Variants in ZPBP observed in about 807,000 individuals in gnomAD.
ZPBP encodes zona pellucida-binding protein 1.
In ZPBP, 26 loss-of-function variants were observed where a neutral mutation model predicts 44.8. The observed-to-expected ratio is 0.58, with a 90% CI of 0.43 to 0.81. ZPBP has a LOEUF of 0.81. Among genes scored for constraint, ZPBP ranks in the 30% least tolerant of loss-of-function variants. The pLI, the probability that ZPBP is intolerant of heterozygous loss-of-function variation, is 0.00. For missense variants in ZPBP, 409 were observed against 434.0 expected (o/e 0.94, Z 0.51); for synonymous variants, 174 against 153.2 (o/e 1.14, Z -1.00).
intron 6 of ZPBP, among the ~76,000 whole-genome samples, chr7:49,985,020 CG>C (rs1332233117): frequency 3.9e-5 from 6 of 152,160 alleles, no homozygotes; most frequent in Admixed American, 1.3e-4. Flanking sequence ...CAAAGATGCA[CG>C]TTACATTAAT....
chr7:49,926,553 T>A (rs1794239495), intron 1 of ZPBP, among the ~76,000 whole-genome samples: 2 of 152,176 alleles, frequency 1.3e-5, no homozygotes, highest in South Asian at 4.1e-4. Flanking sequence ...AACACCTGCA[T>A]GCACAAGCCA....
chr7:50,044,795 T>C (rs553069888), intron 4 of ZPBP, among the ~76,000 whole-genome samples: 1 of 152,208 alleles, frequency 6.6e-6, no homozygotes, highest in Non-Finnish European at 1.5e-5. Context: ...AAATAGGGAC[T>C]CCTCCCTAAC....
intron 4 of ZPBP, among the ~76,000 whole-genome samples, chr7:50,051,572 G>C (rs1800699063): frequency 6.6e-6 from 1 of 152,094 alleles, no homozygotes. Context: ...ACGCCCATCA[G>C]TGATAGACTG....
intron 5 of ZPBP, among the ~76,000 whole-genome samples, chr7:50,020,505 C>T (rs1242062843): frequency 3.9e-5 from 6 of 152,032 alleles, no homozygotes; most frequent in Non-Finnish European, 8.8e-5. Flanking sequence ...TATCCATCCC[C>T]ACCATATCAG....
At chr7:49,866,224 T>C (rs1790885176) in intron 2 of ZPBP, among the ~76,000 whole-genome samples, 1 of 152,210 alleles carries the variant, frequency 6.6e-6, no homozygotes, top group South Asian at 2.1e-4. Context: ...AATAGACCCT[T>C]CGCCAGATGT....
At chr7:49,866,465 C>T (rs770201629) in intron 2 of ZPBP, among the ~76,000 whole-genome samples, 3 of 152,228 alleles carry the variant, frequency 2.0e-5, no homozygotes, top group Non-Finnish European at 2.9e-5. Flanking sequence ...ACCCTGCAGG[C>T]AAGCCCTTTG....
In ZPBP at chr7:50,058,131, G is replaced by C; in HGVS notation, c.345C>G (p.Arg115=). The change falls in exon 4 of 8, where the codon CGC becomes CGG. Residue 115 remains arginine (R), a synonymous_variant. Transcript: ENST00000046087. The stretch of plus-strand genomic sequence containing the variant: ...TTCCTGTGGATGTTATTTGTGCAGT[G>C]CGGTTTTCTACTAAAGGAATAAGAT... ...PKGKVVSVEN[R]TAQITSTGSL... The C allele has an allele frequency of 6.2e-7, 1 of 1,613,672 alleles. No homozygotes were observed. Among genetic ancestry groups the C allele is most frequent in the Non-Finnish European group, 8.5e-7 (1 of 1,179,778 alleles).
chr7:50,016,721 G>A (rs1044915319), intron 6 of ZPBP, among the ~76,000 whole-genome samples: 1 of 152,032 alleles, frequency 6.6e-6, no homozygotes, highest in African/African-American at 2.4e-5. Context: ...CTCAGGGTCT[G>A]TGACTGTTTA....
At chr7:50,019,269 C>A (rs911704736) in intron 5 of ZPBP, among the ~76,000 whole-genome samples, 4 of 152,054 alleles carry the variant, frequency 2.6e-5, no homozygotes, top group African/African-American at 9.7e-5. Context: ...GGATGCTATC[C>A]ATTCGCTATT....
intron 1 of ZPBP, chr7:50,092,863 C>A: frequency 1.4e-6 from 1 of 725,950 alleles, no homozygotes; most frequent in Non-Finnish European, 2.1e-6. Context: ...CCATCTATAC[C>A]TTAATTTCCT....
chr7:50,001,829 G>A (rs1159061949), intron 6 of ZPBP, among the ~76,000 whole-genome samples: 1 of 152,166 alleles, frequency 6.6e-6, no homozygotes, highest in African/African-American at 2.4e-5. Flanking sequence ...GTAGTAAAAT[G>A]TAAAAGAGAA....
chr7:49,928,301 C>T (rs1760659040), intron 1 of ZPBP, among the ~76,000 whole-genome samples: 1 of 152,202 alleles, frequency 6.6e-6, no homozygotes, highest in African/African-American at 2.4e-5. Flanking sequence ...TAGTTACATA[C>T]ACTTTTCTCA....
intron 2 of ZPBP, among the ~76,000 whole-genome samples, chr7:50,089,291 C>A (rs2128857422): frequency 6.6e-6 from 1 of 152,124 alleles, no homozygotes; most frequent in South Asian, 2.1e-4. Flanking sequence ...GTGACTACTG[C>A]AAATCTTTGA....
chr7:50,062,884 T>C (rs978421030), intron 3 of ZPBP, among the ~76,000 whole-genome samples: 2 of 151,876 alleles, frequency 1.3e-5, no homozygotes, highest in Non-Finnish European at 2.9e-5. Flanking sequence ...GAGAGACTGA[T>C]GGGGTTCAGG....
intron 3 of ZPBP, among the ~76,000 whole-genome samples, chr7:50,071,434 A>G (rs1801828067): frequency 6.6e-6 from 1 of 152,194 alleles, no homozygotes; most frequent in Non-Finnish European, 1.5e-5. Context: ...AAGGCAATCT[A>G]GGCCATAGGG....
At chr7:49,887,177 TC>T (rs1296187248) in intron 2 of ZPBP, among the ~76,000 whole-genome samples, 1 of 152,146 alleles carries the variant, frequency 6.6e-6, no homozygotes, top group East Asian at 1.9e-4. Context: ...GATTTGGATT[TC>T]CCCCCCAATC....
intron 2 of ZPBP, among the ~76,000 whole-genome samples, chr7:49,895,284 G>A (rs948145423): frequency 2.0e-5 from 3 of 152,112 alleles, no homozygotes; most frequent in Admixed American, 6.5e-5. Flanking sequence ...TGAGGGCTCT[G>A]CCCTCATGAC....
intron 4 of ZPBP, among the ~76,000 whole-genome samples, chr7:50,046,598 C>T (rs1230634234): frequency 6.6e-6 from 1 of 152,102 alleles, no homozygotes; most frequent in Admixed American, 6.5e-5. Context: ...CCGTAAGATA[C>T]CATCTCACAC....
chr7:49,849,650 A>G (rs534188084), downstream of ZPBP, among the ~76,000 whole-genome samples: 138 of 152,244 alleles, frequency 9.1e-4, no homozygotes, highest in Non-Finnish European at 1.8e-3. Flanking sequence ...GATAGAGTCT[A>G]ACGCTGGGTG....
Sources: gnomAD v4.1 joint callset for allele counts (sites outside exome capture counted in the v4.1 genomes callset) on GRCh38, gnomAD v4.1.1 for gene constraint, MANE v1.5 for transcripts, NCBI Gene and HGNC (gene_info 2026-07-23, HGNC 2026-07-21) for gene names.